ROBO2: variants seen among roughly 807,000 people sequenced by gnomAD.
ROBO2 encodes roundabout guidance receptor 2, also known as roundabout homolog 2.
A neutral mutation model predicts 160.8 loss-of-function variants in ROBO2; 53 were observed. That is an observed-to-expected ratio of 0.33 (90% CI 0.26 to 0.41). The LOEUF (loss-of-function observed/expected upper bound fraction) is 0.41, where lower values mean the gene tolerates loss of function less well. Ranked by LOEUF, ROBO2 falls within the 10% of genes least tolerant of loss-of-function variation. ROBO2 has a pLI of 1.00. For synonymous variants in ROBO2, 664 were observed against 611.7 expected, an observed-to-expected ratio of 1.09 and a Z score of -1.26; for missense variants, 1,577 against 1,722.4, an observed-to-expected ratio of 0.92 and a Z score of 1.49.
chr3:76,608,691 A>C (rs1480821561), intron 2 of ROBO2, among the ~76,000 whole-genome samples: 3 of 151,962 alleles, frequency 2.0e-5, no homozygotes, highest in Non-Finnish European at 4.4e-5. Context: ...TTTTTTTAGA[A>C]GTTTTATAGT....
chr3:77,219,482 A>AATGTG, intron 2 of ROBO2, among the ~76,000 whole-genome samples: 1 of 124,598 alleles, frequency 8.0e-6, no homozygotes, highest in African/African-American at 3.0e-5. Flanking sequence ...ATATATATAT[A>AATGTG]TAATCTGTAT....
At chr3:76,607,832 T>C (rs2087779641) in intron 2 of ROBO2, among the ~76,000 whole-genome samples, 1 of 152,234 alleles carries the variant, frequency 6.6e-6, no homozygotes, top group African/African-American at 2.4e-5. Flanking sequence ...CAAATATTGA[T>C]GCTATCCACT....
chr3:76,174,995 G>A (rs1575754808), intron 2 of ROBO2, among the ~76,000 whole-genome samples: 1 of 152,074 alleles, frequency 6.6e-6, no homozygotes, highest in East Asian at 1.9e-4. Context: ...CTATCCATGA[G>A]CATGGAATTA....
At chr3:75,984,408 T>A (rs72890331) in intron 2 of ROBO2, among the ~76,000 whole-genome samples, 2,259 of 151,546 alleles carry the variant, frequency 0.015, 71 homozygotes, top group African/African-American at 0.05. Flanking sequence ...AGAAGGAAGC[T>A]TGGAAAATGA....
intron 2 of ROBO2, among the ~76,000 whole-genome samples, chr3:76,794,006 C>T (rs1034608800): frequency 1.3e-5 from 2 of 151,798 alleles, no homozygotes; most frequent in Non-Finnish European, 2.9e-5. Context: ...CAAGGATGCT[C>T]CTCTCTTGGG....
intron 2 of ROBO2, among the ~76,000 whole-genome samples, chr3:77,109,628 G>T (rs564328355): frequency 1.3e-5 from 2 of 152,334 alleles, no homozygotes; most frequent in Admixed American, 6.5e-5. Context: ...AATCTCTGGG[G>T]CTTGCTAAGG....
chr3:76,987,697 C>T (rs1207459381), intron 2 of ROBO2, among the ~76,000 whole-genome samples: 3 of 151,934 alleles, frequency 2.0e-5, no homozygotes, highest in Admixed American at 6.6e-5. Flanking sequence ...TCTTTAATAC[C>T]CCCTTTCAAA....
intron 2 of ROBO2, among the ~76,000 whole-genome samples, chr3:77,028,923 CACTA>C (rs1417651340): frequency 2.0e-5 from 3 of 152,156 alleles, no homozygotes; most frequent in Admixed American, 1.3e-4. Context: ...CTGTTGTTCA[CACTA>C]ACTAAGGTTT....
chr3:77,469,941 GA>G (rs1172502101), intron 2 of ROBO2, among the ~76,000 whole-genome samples: 5 of 152,116 alleles, frequency 3.3e-5, no homozygotes, highest in African/African-American at 1.2e-4. Flanking sequence ...CAGTTAAGTA[GA>G]TAAGGAAAGA....
chr3:76,196,902 G>T (rs1287350725), intron 2 of ROBO2, among the ~76,000 whole-genome samples: 1 of 152,170 alleles, frequency 6.6e-6, no homozygotes, highest in Non-Finnish European at 1.5e-5. Flanking sequence ...ATAACATATT[G>T]TGATTTAAAA....
intron 2 of ROBO2, among the ~76,000 whole-genome samples, chr3:76,489,077 T>C (rs2079658031): frequency 1.0e-5 from 1 of 96,570 alleles, no homozygotes; most frequent in Non-Finnish European, 1.9e-5. Context: ...AGAGTGAGAC[T>C]CTGTCTCAAA....
intron 2 of ROBO2, among the ~76,000 whole-genome samples, chr3:76,487,077 C>A (rs6775119): frequency 0.31 from 47,592 of 151,888 alleles, 7,829 homozygotes; most frequent in East Asian, 0.41. Flanking sequence ...TCAAGCAATC[C>A]ACCTGCCACA....
chr3:76,218,221 A>T (rs1352037414), intron 2 of ROBO2, among the ~76,000 whole-genome samples: 1 of 152,198 alleles, frequency 6.6e-6, no homozygotes, highest in African/African-American at 2.4e-5. Flanking sequence ...GAATGGACAA[A>T]AACTGGAAGC....
intron 2 of ROBO2, among the ~76,000 whole-genome samples, chr3:77,020,598 C>G (rs908439958): frequency 2.6e-5 from 4 of 152,014 alleles, no homozygotes; most frequent in Non-Finnish European, 5.9e-5. Flanking sequence ...AATAAGGGGA[C>G]AGTAAATAAA....
At chr3:77,487,847 T>G (rs1446612433) in intron 4 of ROBO2, among the ~76,000 whole-genome samples, 1 of 152,222 alleles carries the variant, frequency 6.6e-6, no homozygotes, top group Non-Finnish European at 1.5e-5. Context: ...CGAAGTTTAT[T>G]TTTAAAATTT....
At chr3:75,983,070 G>A (rs752328436) in intron 2 of ROBO2, among the ~76,000 whole-genome samples, 4 of 151,396 alleles carry the variant, frequency 2.6e-5, no homozygotes, top group Non-Finnish European at 4.4e-5. Flanking sequence ...TCAGTAATCA[G>A]GAAAAGGTTG....
chr3:75,934,953 G>C (rs925003429), intron 1 of ROBO2, among the ~76,000 whole-genome samples: 4 of 152,136 alleles, frequency 2.6e-5, no homozygotes, highest in Non-Finnish European at 5.9e-5. Flanking sequence ...ACTTTGATGA[G>C]TGGATCTGGA....
chr3:76,639,077 A>G (rs1406704541), intron 2 of ROBO2, among the ~76,000 whole-genome samples: 2 of 152,138 alleles, frequency 1.3e-5, no homozygotes, highest in African/African-American at 4.8e-5. Flanking sequence ...CTGAAGCACT[A>G]GTTTATCTCA....
chr3:76,699,220 A>G (rs551696314), intron 2 of ROBO2, among the ~76,000 whole-genome samples: 2 of 152,324 alleles, frequency 1.3e-5, no homozygotes, highest in East Asian at 3.9e-4. Context: ...AGCAGCAGCC[A>G]TGGTGCTTCT....
Sources: gnomAD v4.1 joint callset for allele counts (sites outside exome capture counted in the v4.1 genomes callset) on GRCh38, gnomAD v4.1.1 for gene constraint, MANE v1.5 for transcripts, NCBI Gene and HGNC (gene_info 2026-07-23, HGNC 2026-07-21) for gene names.